ACTR3C: variants seen among roughly 807,000 people sequenced by gnomAD.
ACTR3C encodes actin related protein 3C, also known as actin-related protein 3C.
Under a neutral mutation model 26.3 loss-of-function variants are expected in ACTR3C, and 18 were observed. That is an observed-to-expected ratio of 0.68 (90% CI 0.47 to 1.01). ACTR3C has a LOEUF of 1.01. Among genes scored for constraint, ACTR3C ranks in the 50% least tolerant of loss-of-function variants. The pLI is 0.00. For missense variants in ACTR3C, 184 were observed against 250.7 expected (o/e 0.73, Z 1.80); for synonymous variants, 55 against 94.5 (o/e 0.58, Z 2.42).
At chr7:150,064,480 A>C in the ACTR3C span, among the ~76,000 whole-genome samples, 3 of 149,044 alleles carry the variant, frequency 2.0e-5, no homozygotes, top group Non-Finnish European at 4.5e-5. Context: ...CAGGAGAATC[A>C]TTTGAACCTG....
chr7:149,918,250 G>T, the ACTR3C span, among the ~76,000 whole-genome samples: 1 of 151,954 alleles, frequency 6.6e-6, no homozygotes, highest in African/African-American at 2.4e-5. Flanking sequence ...TTGTTGTAAG[G>T]TAAACTCTGA....
At position 150,302,214 on chromosome 7, in the gene ACTR3C, A is replaced by G. The variant is rs552103926; in HGVS notation, c.-51-6867T>C. On this transcript the variant is annotated intron_variant, in intron 1 of 7. Coordinates refer to ENST00000683684, the MANE Select transcript of ACTR3C (RefSeq NM_001164458.2). ...TATCAAAAATGCAAATGTAAAGCAT[A>G]TGGCAAATTTTAATCCATTAAATGA... 2.8e-3 allele frequency among the ~76,000 whole-genome samples: 422 copies of G among 152,380 alleles called. 4 individuals are homozygous for G. The South Asian group carries it at 0.032, about 12-fold the overall frequency.
At chr7:150,033,620 G>C in the ACTR3C span, among the ~76,000 whole-genome samples, 2 of 151,776 alleles carry the variant, frequency 1.3e-5, no homozygotes, top group Non-Finnish European at 2.9e-5. Context: ...CGCTGCAATG[G>C]GGGTCCTAAG....
chr7:150,132,471 G>T, the ACTR3C span, among the ~76,000 whole-genome samples: 2 of 152,170 alleles, frequency 1.3e-5, no homozygotes, highest in Admixed American at 1.3e-4. Flanking sequence ...CTCAAAAGAA[G>T]ACATACAAGC....
the ACTR3C span, among the ~76,000 whole-genome samples, chr7:150,175,833 AAAG>A: frequency 0.029 from 4,052 of 141,406 alleles, 371 homozygotes; most frequent in African/African-American, 0.11. Flanking sequence ...AAAAAAAAAA[AAAG>A]AAAGAAAGGA....
intron 4 of ACTR3C, among the ~76,000 whole-genome samples, chr7:150,287,263 C>T (rs1407817786): frequency 6.6e-6 from 1 of 151,958 alleles, no homozygotes; most frequent in Non-Finnish European, 1.5e-5. Flanking sequence ...AAACAATAAG[C>T]AACCATAATA....
intron 6 of ACTR3C, among the ~76,000 whole-genome samples, chr7:150,250,202 C>CTTGAT (rs1554449993): frequency 7.2e-5 from 9 of 125,468 alleles, no homozygotes; most frequent in African/African-American, 3.1e-4. Context: ...CAGAATCTGA[C>CTTGAT]TTTTTTTTTT....
chr7:150,210,914 A>G, the ACTR3C span, among the ~76,000 whole-genome samples: 5 of 146,834 alleles, frequency 3.4e-5, no homozygotes, highest in East Asian at 7.8e-4. Flanking sequence ...CTTACTAAAC[A>G]TGGTATCCAG....
chr7:150,274,392 AC>A lies in ACTR3C; in HGVS notation c.564+10360del. Reference sequence around the variant, plus strand: ...GAAGGTATGTACACTGGTTTTTTAGACATAATGCTATTATACACTTAAACCA... The same window carrying A: ...GAAGGTATGTACACTGGTTTTTTAGAATAATGCTATTATACACTTAAACCA... On this transcript the variant is annotated intron_variant, in intron 6 of 7. Coordinates refer to ENST00000683684, the MANE Select transcript of ACTR3C (RefSeq NM_001164458.2). This position sits in a 1 kb window ranked among gnomAD's most constrained non-coding sequence, Gnocchi z 4.1. 6.6e-6 allele frequency among the ~76,000 whole-genome samples: 1 copy of A among 152,320 alleles called. No individual in the cohort carries two copies. Among genetic ancestry groups the A allele is most frequent in the Middle Eastern group, 3.4e-3 (1 of 294 alleles).
At chr7:149,979,966 G>T in the ACTR3C span, among the ~76,000 whole-genome samples, 17 of 150,908 alleles carry the variant, frequency 1.1e-4, no homozygotes, top group African/African-American at 4.2e-4. Context: ...GAGTGAATTT[G>T]CCCTGGGACC....
chr7:149,947,112 G>C, the ACTR3C span, among the ~76,000 whole-genome samples: 2 of 151,344 alleles, frequency 1.3e-5, no homozygotes, highest in African/African-American at 4.9e-5. Context: ...ACATCACTGA[G>C]TCAGTGGCAG....
the ACTR3C span, among the ~76,000 whole-genome samples, chr7:150,229,962 T>A: frequency 1.8e-4 from 27 of 149,894 alleles, no homozygotes; most frequent in African/African-American, 6.3e-4. Context: ...TGGTGGCTGA[T>A]GCCTATAATC....
the ACTR3C span, among the ~76,000 whole-genome samples, chr7:150,164,565 T>C: frequency 6.6e-6 from 1 of 151,942 alleles, no homozygotes; most frequent in African/African-American, 2.4e-5. Flanking sequence ...ATTTCCCGAA[T>C]AGGCAAGGGA....
Position 150,284,810 on chromosome 7 carries a change from A to G in ACTR3C, c.507T>C (p.Asp169=). 6.2e-7 allele frequency: 1 copy of G among 1,613,402 alleles called. No individual in the cohort carries two copies. Among genetic ancestry groups the G allele is most frequent in the Non-Finnish European group, 8.5e-7 (1 of 1,179,632 alleles). ...ANPDSMESIS[D]VVDEVIQNCP... The stretch of plus-strand genomic sequence containing the variant: ...AGTTCTGTATTACTTCATCAACAAC[A>G]TCTGAGATGGACTCCATAGAGTCTG... Residue 169 remains aspartate, a synonymous_variant, in exon 6 of 8, where the codon GAT becomes GAC. Coordinates refer to ENST00000683684, the MANE Select transcript of ACTR3C (RefSeq NM_001164458.2).
At chr7:150,001,288 AT>A in the ACTR3C span, 2 of 152,092 alleles carry the variant, frequency 1.3e-5, no homozygotes, top group Non-Finnish European at 2.9e-5. Context: ...GGGGAAAAAC[AT>A]TATTTGAAAA....
At chr7:150,208,229 A>G in the ACTR3C span, among the ~76,000 whole-genome samples, 3 of 152,160 alleles carry the variant, frequency 2.0e-5, no homozygotes, top group Non-Finnish European at 4.4e-5. Context: ...GATGGAGCTG[A>G]GAGTCTGGGG....
At chr7:150,320,452 A>G (rs1797385620) in intron 1 of ACTR3C, among the ~76,000 whole-genome samples, 1 of 152,234 alleles carries the variant, frequency 6.6e-6, no homozygotes, top group African/African-American at 2.4e-5. Context: ...AGAGCAAAAT[A>G]TAGTTTAAAT....
At chr7:150,310,563 C>T (rs1239511248) in intron 1 of ACTR3C, among the ~76,000 whole-genome samples, 1 of 150,010 alleles carries the variant, frequency 6.7e-6, no homozygotes, top group East Asian at 1.9e-4. Flanking sequence ...TCCTCAGTAC[C>T]CCCTTCCACA....
the ACTR3C span, among the ~76,000 whole-genome samples, chr7:150,115,958 C>A: frequency 6.6e-6 from 1 of 152,178 alleles, no homozygotes; most frequent in African/African-American, 2.4e-5. Flanking sequence ...GGAAGATGCA[C>A]CACTCAAACT....
Sources: allele counts gnomAD v4.1 joint callset (sites outside exome capture counted in the v4.1 genomes callset), GRCh38; gene constraint gnomAD v4.1.1; non-coding constraint Gnocchi (gnomAD v3.1); transcripts MANE v1.5; gene names NCBI Gene and HGNC (gene_info 2026-07-23, HGNC 2026-07-21).